The following CAB39 variants were observed in gnomAD, a reference collection of about 807,000 sequenced individuals.
The protein encoded by CAB39 is calcium binding protein 39, also known as calcium-binding protein 39.
A neutral mutation model predicts 40.0 loss-of-function variants in CAB39; 8 were observed. The ratio of observed to expected loss-of-function variants is 0.20; its 90% CI spans 0.12 to 0.36. The LOEUF is 0.36. CAB39 is among the 10% of genes least tolerant of loss of function. CAB39 has a pLI of 1.00. For synonymous variants in CAB39, 156 were observed against 141.6 expected (o/e 1.10, Z -0.72); for missense variants, 270 against 401.1 (o/e 0.67, Z 2.79).
At chr2:230,751,844 A>G (rs1405468506) in intron 1 of CAB39, among the ~76,000 whole-genome samples, 1 of 152,166 alleles carries the variant, frequency 6.6e-6, no homozygotes, top group Non-Finnish European at 1.5e-5. Flanking sequence ...ATATATGCCA[A>G]ACTACTAATA....
chr2:230,736,715 C>CA (rs1575910088), intron 1 of CAB39, among the ~76,000 whole-genome samples: 2 of 152,098 alleles, frequency 1.3e-5, no homozygotes, highest in Admixed American at 6.5e-5. Context: ...GGAGGGGAGT[C>CA]AAAAAATCTC....
intron 2 of CAB39, among the ~76,000 whole-genome samples, chr2:230,782,813 C>CTTT (rs1212977897): frequency 0.01 from 856 of 81,714 alleles, 44 homozygotes; most frequent in African/African-American, 0.049. Context: ...TTCTTTCTTT[C>CTTT]TTTTTTTTTT....
At chr2:230,807,375 G>A (rs41489545) in intron 5 of CAB39, among the ~76,000 whole-genome samples, 7 of 151,674 alleles carry the variant, frequency 4.6e-5, no homozygotes, top group African/African-American at 7.3e-5. Flanking sequence ...CTGAGCTGGC[G>A]CTTAACAGTT....
At chr2:230,757,829 C>T (rs1695219610) in intron 1 of CAB39, among the ~76,000 whole-genome samples, 1 of 152,058 alleles carries the variant, frequency 6.6e-6, no homozygotes, top group African/African-American at 2.4e-5. Context: ...CCCTGCCGCC[C>T]ACTCCCCTGC....
intron 7 of CAB39, among the ~76,000 whole-genome samples, chr2:230,814,419 C>G (rs924676803): frequency 1.3e-5 from 2 of 152,116 alleles, no homozygotes; most frequent in Non-Finnish European, 2.9e-5. Context: ...TGAAGGCACT[C>G]CAGGTGCTGT....
At chr2:230,818,085 A>G in intron 8 of CAB39, 188 bp downstream of exon 8, 1 of 574,662 alleles carries the variant, frequency 1.7e-6, no homozygotes, top group Non-Finnish European at 3.0e-6. Context: ...TACTGTTTGG[A>G]TCTGGGAACG....
intron 5 of CAB39, among the ~76,000 whole-genome samples, chr2:230,806,175 C>G (rs59064766): frequency 0.04 from 6,075 of 152,052 alleles, 413 homozygotes; most frequent in African/African-American, 0.14. Context: ...CATACTCAAC[C>G]CTAGGAAGGC....
intron 1 of CAB39, chr2:230,752,317 T>G (rs1673360721): frequency 6.6e-6 from 1 of 152,046 alleles, no homozygotes; most frequent in African/African-American, 2.4e-5. Context: ...ACACAACATC[T>G]CTGTCGTAGT....
chr2:230,772,116 A>G (rs898903486), intron 2 of CAB39, among the ~76,000 whole-genome samples: 11 of 152,268 alleles, frequency 7.2e-5, no homozygotes, highest in African/African-American at 2.7e-4. Flanking sequence ...AGACACTGTT[A>G]GAAGAATGAA....
At chr2:230,745,963 G>A (rs1414708147) in intron 1 of CAB39, among the ~76,000 whole-genome samples, 2 of 152,038 alleles carry the variant, frequency 1.3e-5, no homozygotes, top group Admixed American at 1.3e-4. Flanking sequence ...TTAAGGATGG[G>A]GCATTCAGGG....
intron 1 of CAB39, among the ~76,000 whole-genome samples, chr2:230,716,929 G>A (rs1295231217): frequency 6.6e-6 from 1 of 152,192 alleles, no homozygotes; most frequent in African/African-American, 2.4e-5. Flanking sequence ...CCTGAGCCCA[G>A]GAATTTGCAG....
At chr2:230,758,241 T>G (rs1183928625) in intron 1 of CAB39, among the ~76,000 whole-genome samples, 1 of 143,010 alleles carries the variant, frequency 7.0e-6, no homozygotes. Context: ...AGGTGGAGAT[T>G]ACAGTGAGCC....
chr2:230,751,754 G>A (rs62193628), intron 1 of CAB39, among the ~76,000 whole-genome samples: 15,863 of 152,032 alleles, frequency 0.1, 1,132 homozygotes, highest in Middle Eastern at 0.16. Context: ...GTGTCATCTG[G>A]TCTCCATCTG....
chr2:230,790,787 G>C (rs571600719), intron 2 of CAB39, 85 bp from the exon 3 acceptor site: 603 of 1,151,968 alleles, frequency 5.2e-4, no homozygotes, highest in Non-Finnish European at 6.8e-4. Flanking sequence ...ATATAGAGAG[G>C]TGATTTGACA....
intron 2 of CAB39, among the ~76,000 whole-genome samples, chr2:230,765,598 T>C (rs1695372172): frequency 6.6e-6 from 1 of 152,162 alleles, no homozygotes; most frequent in Non-Finnish European, 1.5e-5. Flanking sequence ...TCTTGAATGA[T>C]AGAAGGCAAG....
chr2:230,713,779 G>C (rs1694297438), intron 1 of CAB39: 1 of 152,440 alleles, frequency 6.6e-6, no homozygotes, highest in Admixed American at 6.5e-5. Context: ...CGCCGTAGTC[G>C]GCCCGCACCG....
intron 1 of CAB39, among the ~76,000 whole-genome samples, chr2:230,743,066 G>A (rs1042795345): frequency 1.3e-5 from 2 of 152,156 alleles, no homozygotes; most frequent in Non-Finnish European, 2.9e-5. Flanking sequence ...TTGTTTAGCC[G>A]TTCCTTATGA....
At chr2:230,772,822 A>C (rs992946408) in intron 2 of CAB39, among the ~76,000 whole-genome samples, 9 of 152,090 alleles carry the variant, frequency 5.9e-5, no homozygotes, top group Admixed American at 1.3e-4. Flanking sequence ...CGAACCAACC[A>C]TATGATCTAG....
At chr2:230,756,603 T>C (rs1162857716) in intron 1 of CAB39, among the ~76,000 whole-genome samples, 1 of 152,214 alleles carries the variant, frequency 6.6e-6, no homozygotes, top group Admixed American at 6.5e-5. Flanking sequence ...ACATAAATGA[T>C]TTTTGAGAAT....
Sources: allele counts gnomAD v4.1 joint callset (sites outside exome capture counted in the v4.1 genomes callset), GRCh38; gene constraint gnomAD v4.1.1; transcripts MANE v1.5; gene names NCBI Gene and HGNC (gene_info 2026-07-23, HGNC 2026-07-21).